MYO19: variants seen among roughly 807,000 people sequenced by gnomAD.
MYO19 encodes myosin XIX.
In MYO19, 132 loss-of-function variants were observed where a neutral mutation model predicts 129.2. That is an observed-to-expected ratio of 1.02 (90% CI 0.89 to 1.18). MYO19 has a LOEUF of 1.18. Among genes scored for constraint, MYO19 ranks in the 50% most tolerant of loss-of-function variants. MYO19 has a pLI of 0.00. For missense variants in MYO19, 1,210 were observed against 1,216.7 expected, an observed-to-expected ratio of 0.99 and a Z score of 0.08; for synonymous variants, 531 against 477.2, an observed-to-expected ratio of 1.11 and a Z score of -1.47.
intron 6 of MYO19, 129 bp downstream of exon 6, chr17:36,525,099 G>A: frequency 2.9e-6 from 2 of 699,926 alleles, no homozygotes; most frequent in Non-Finnish European, 5.0e-6. Flanking sequence ...ACCAACCCCA[G>A]CTTCAGCCAG....
chr17:36,511,932 C>T (rs2072358589), intron 11 of MYO19, among the ~76,000 whole-genome samples: 1 of 152,162 alleles, frequency 6.6e-6, no homozygotes, highest in Non-Finnish European at 1.5e-5. Flanking sequence ...GCTGGAGGCA[C>T]TGTGACCTTG....
At chr17:36,516,236 TG>T (rs945389803) in intron 6 of MYO19, among the ~76,000 whole-genome samples, 1 of 149,574 alleles carries the variant, frequency 6.7e-6, no homozygotes, top group African/African-American at 2.6e-5. Context: ...TTTCTGTGTA[TG>T]TTTTTTTTGC....
In MYO19 at chr17:36,498,754, C is replaced by A. The variant is rs2071231982; in HGVS notation, c.2464-195G>T. On this transcript the variant is annotated intron_variant, in intron 24 of 25. Transcript: ENST00000614623. ...TACACCCCAGGCAACTGTGCTTAGG[C>A]CTTACATATGCTACTTGAAAACAAG... The A allele has an allele frequency of 6.5e-6, 4 of 619,672 alleles. No individual in the cohort carries two copies. The East Asian group carries it at 1.1e-4, about 17-fold the overall frequency. The allele number at this position is 619,672 out of a possible 1,614,324, so 38.4% of individuals were successfully genotyped here. A position where few individuals can be genotyped will look rare whatever the true frequency, so the allele number is the denominator to read the frequency against.
intron 16 of MYO19, 54 bp from the exon 17 acceptor site, chr17:36,507,193 C>T: frequency 6.4e-7 from 1 of 1,568,688 alleles, no homozygotes; most frequent in Non-Finnish European, 8.7e-7. Flanking sequence ...CTCACCACAA[C>T]CCTCACTGTC....
Position 36,505,344 on chromosome 17 carries a change from T to G in MYO19, c.1858A>C (p.Ile620Leu). 6.2e-7 allele frequency: 1 copy of G among 1,614,248 alleles called. No homozygotes were observed. The highest frequency in any genetic ancestry group is 8.5e-7 in the Non-Finnish European group (1 of 1,180,046). ...GCCTGGCCCTGGCTGTTGGGCTTGATGCAGCGAATGTAGTGGGGCGTGGTG... is the reference window on the plus strand; with the variant it reads ...GCCTGGCCCTGGCTGTTGGGCTTGAGGCAGCGAATGTAGTGGGGCGTGGTG... ...HSTTPHYIRCIKPNSQGQAQT... is the reference protein window; with the variant it reads ...HSTTPHYIRCLKPNSQGQAQT... The change falls in exon 19 of 26, where the codon ATC (isoleucine) becomes CTC (leucine). Residue 620 changes from isoleucine to leucine, a missense_variant. Transcript: ENST00000614623.
chr17:36,525,577 A>G (rs2073413724), intron 5 of MYO19, among the ~76,000 whole-genome samples: 1 of 152,176 alleles, frequency 6.6e-6, no homozygotes. Context: ...TATGACATTA[A>G]CACTTTATAC....
At chr17:36,542,979 G>A (rs2074204943) in intron 1 of MYO19, 1 of 151,608 alleles carries the variant, frequency 6.6e-6, no homozygotes, top group African/African-American at 2.4e-5. Flanking sequence ...GCCTCCCAAA[G>A]TCTTGGGATT....
At chr17:36,531,092 A>C (rs2073807943) in intron 3 of MYO19, among the ~76,000 whole-genome samples, 1 of 151,902 alleles carries the variant, frequency 6.6e-6, no homozygotes, top group Admixed American at 6.6e-5. Context: ...AATAAACAAA[A>C]ATTATTAAAA....
intron 17 of MYO19, 28 bp from the exon 18 acceptor site, chr17:36,506,636 G>A (rs1391165682): frequency 2.0e-6 from 3 of 1,513,532 alleles, no homozygotes; most frequent in Non-Finnish European, 2.6e-6. Context: ...GAGCAGCAGT[G>A]AGGGCAGGTG....
chr17:36,499,211 G>A (rs1167368287), intron 23 of MYO19, 51 bp from the exon 24 acceptor site: 2 of 1,419,876 alleles, frequency 1.4e-6, no homozygotes, highest in African/African-American at 1.4e-5. Context: ...GGCCATTAGA[G>A]CTGTCAGTGA....
chr17:36,540,241 A>C (rs1477291469), intron 2 of MYO19, among the ~76,000 whole-genome samples: 1 of 152,158 alleles, frequency 6.6e-6, no homozygotes, highest in African/African-American at 2.4e-5. Context: ...ATCTGTAAAA[A>C]ATAGAGATGG....
At chr17:36,511,124 C>T (rs1282654204) in intron 12 of MYO19, 2 of 670,930 alleles carry the variant, frequency 3.0e-6, no homozygotes, top group Admixed American at 2.8e-5. Flanking sequence ...TCCATGCTGC[C>T]ATGTATGGGA....
chr17:36,538,181 T>C (rs138980777), upstream of MYO19: 39 of 1,613,836 alleles, frequency 2.4e-5, no homozygotes, highest in African/African-American at 4.1e-4. Context: ...TTCAAGTAAA[T>C]GTAGAAGCAG....
chr17:36,502,629 G>A (rs947726329), intron 21 of MYO19, among the ~76,000 whole-genome samples: 1 of 152,126 alleles, frequency 6.6e-6, no homozygotes, highest in Non-Finnish European at 1.5e-5. Context: ...TGCAGTGCCT[G>A]CTCATCTGCC....
chr17:36,508,456 C>G (rs529318828), intron 14 of MYO19: 20 of 155,828 alleles, frequency 1.3e-4, no homozygotes, highest in South Asian at 4.0e-4. Context: ...TGTTCTCCCC[C>G]CTGAGATAGG....
At position 36,510,718 on chromosome 17, in the gene MYO19, CCAA is replaced by C. The variant is rs754810320; in HGVS notation, c.1157+25_1157+27del. The C allele has an allele frequency of 3.2e-6, 5 of 1,565,722 alleles. No homozygotes were observed. The East Asian group carries it at 1.2e-4, about 36-fold the overall frequency. ...GGAAGAGCACTTGTCGGGGTCCTCC[CCAA>C]CAAGGGGCCAGAGTAACTGCTCACC... On this transcript the variant is annotated intron_variant, in intron 13 of 25. Coordinates refer to ENST00000614623, the MANE Select transcript of MYO19 (RefSeq NM_001163735.2).
chr17:36,515,188 G>A lies in MYO19; in HGVS notation c.548-6C>T. ...CCTCAGTGTACACGCATTCCCTACA[G>A]ATCACACCTATGTTTATTTCACTCC... On this transcript the variant is annotated splice_region_variant and splice_polypyrimidine_tract_variant and intron_variant, in intron 7 of 25. Transcript: ENST00000614623. The A allele has an allele frequency of 6.2e-7, 1 of 1,611,974 alleles. No homozygotes were observed. Among genetic ancestry groups the A allele is most frequent in the African/African-American group, 1.3e-5 (1 of 75,016 alleles).
At chr17:36,534,380 G>A (rs953750026) in intron 1 of MYO19, among the ~76,000 whole-genome samples, 1 of 152,132 alleles carries the variant, frequency 6.6e-6, no homozygotes, top group Non-Finnish European at 1.5e-5. Flanking sequence ...GGGAGAGTAT[G>A]TCCTTCCCAG....
At position 36,510,731 on chromosome 17, in the gene MYO19, A is replaced by G; in HGVS notation, c.1157+15T>C. 1 of 1,583,026 alleles carries G rather than the reference A, an allele frequency of 6.3e-7. No individual in the cohort carries two copies. Among genetic ancestry groups the G allele is most frequent in the Non-Finnish European group, 8.6e-7 (1 of 1,160,020 alleles). On this transcript the variant is annotated intron_variant, in intron 13 of 25. Transcript: ENST00000614623. ...TCGGGGTCCTCCCCAACAAGGGGCC[A>G]GAGTAACTGCTCACCGCGCATAGAT...
Sources: gnomAD v4.1 joint callset for allele counts (sites outside exome capture counted in the v4.1 genomes callset) on GRCh38, gnomAD v4.1.1 for gene constraint, MANE v1.5 for transcripts, NCBI Gene and HGNC (gene_info 2026-07-23, HGNC 2026-07-21) for gene names.